PBRM1: variants seen among roughly 807,000 people sequenced by gnomAD.
The protein encoded by PBRM1 is protein polybromo-1.
A neutral mutation model predicts 194.5 loss-of-function variants in PBRM1; 27 were observed. The ratio of observed to expected loss-of-function variants is 0.14; its 90% CI spans 0.10 to 0.19. The LOEUF (loss-of-function observed/expected upper bound fraction) is 0.19. Ranked by LOEUF, PBRM1 falls within the 10% of genes least tolerant of loss-of-function variation. The pLI, the probability that PBRM1 is intolerant of heterozygous loss-of-function variation, is 1.00. For synonymous variants in PBRM1, 655 were observed against 693.2 expected, an observed-to-expected ratio of 0.94 and a Z score of 0.87; for missense variants, 1,466 against 2,077.2, an observed-to-expected ratio of 0.71 and a Z score of 5.72.
At chr3:52,632,523 C>T (rs1427620670) in intron 11 of PBRM1, among the ~76,000 whole-genome samples, 1 of 152,092 alleles carries the variant, frequency 6.6e-6, no homozygotes, top group Non-Finnish European at 1.5e-5. Flanking sequence ...TCGAGTTGAT[C>T]ATGCCAGCTT....
At chr3:52,665,496 C>T (rs1300980944) in intron 3 of PBRM1, among the ~76,000 whole-genome samples, 1 of 152,086 alleles carries the variant, frequency 6.6e-6, no homozygotes, top group Admixed American at 6.6e-5. Flanking sequence ...TCCCCAACCC[C>T]CAGCCCACGA....
chr3:52,567,565 C>CAA (rs10644120), intron 22 of PBRM1, among the ~76,000 whole-genome samples: 36,056 of 91,244 alleles, frequency 0.4, 5,525 homozygotes, highest in Admixed American at 0.48. Context: ...TAGGTAATCT[C>CAA]AAAAAAAAAA....
chr3:52,553,209 G>A (rs564244840), intron 27 of PBRM1, among the ~76,000 whole-genome samples: 11 of 152,278 alleles, frequency 7.2e-5, no homozygotes, highest in South Asian at 6.2e-4. Context: ...AATGCTTTCC[G>A]AGTCTTCCAA....
Position 52,642,049 on chromosome 3 carries a change from CAAAAA to C in PBRM1, c.996-9_996-5del. On this transcript the variant is annotated splice_polypyrimidine_tract_variant and splice_region_variant and intron_variant, in intron 9 of 29. Transcript: ENST00000296302. Reference sequence around the variant, plus strand: ...TCCTTGTACTGCTCTTTTATTACTACAAAAAAAAAAAAAGCAATTAGACAGGGAAG... The same window carrying C: ...TCCTTGTACTGCTCTTTTATTACTACAAAAAAAAGCAATTAGACAGGGAAG... 1 of 1,176,188 alleles carries C rather than the reference CAAAAA, an allele frequency of 8.5e-7. No individual in the cohort carries two copies. Among genetic ancestry groups the C allele is most frequent in the Non-Finnish European group, 1.2e-6 (1 of 824,376 alleles). 72.9% of individuals were successfully genotyped at this position (1,176,188 alleles called of 1,614,324 possible). A position where few individuals can be genotyped will look rare whatever the true frequency, so the allele number is the denominator to read the frequency against.
At chr3:52,675,613 T>C (rs1561090775) in intron 2 of PBRM1, among the ~76,000 whole-genome samples, 1 of 152,192 alleles carries the variant, frequency 6.6e-6, no homozygotes, top group Non-Finnish European at 1.5e-5. Context: ...TTTAAGTATT[T>C]TGCCACTGAA....
chr3:52,550,328 G>A (rs1343899372), intron 29 of PBRM1, 93 bp downstream of exon 31: 1 of 479,098 alleles, frequency 2.1e-6, no homozygotes, highest in African/African-American at 2.0e-5. Flanking sequence ...TAAGAAAAAG[G>A]GGTGTTTATT....
chr3:52,584,708 G>A (rs1234382994), intron 20 of PBRM1, among the ~76,000 whole-genome samples: 1 of 151,696 alleles, frequency 6.6e-6, no homozygotes, highest in Non-Finnish European at 1.5e-5. Context: ...CACCTGCCCT[G>A]GCCTCCCAAA....
At chr3:52,622,561 AC>A (rs1243630121) in intron 13 of PBRM1, among the ~76,000 whole-genome samples, 1 of 152,202 alleles carries the variant, frequency 6.6e-6, no homozygotes, top group East Asian at 1.9e-4. Context: ...AAGTTTATGC[AC>A]TAGCAGAGGC....
downstream of PBRM1, chr3:52,547,743 C>G (rs2079863865): frequency 4.0e-6 from 1 of 247,814 alleles, no homozygotes; most frequent in Admixed American, 5.6e-5. Context: ...AAGACAAAAA[C>G]CTCTAATGGT....
At chr3:52,601,828 A>G (rs1196426440) in intron 17 of PBRM1, among the ~76,000 whole-genome samples, 1 of 152,118 alleles carries the variant, frequency 6.6e-6, no homozygotes, top group Non-Finnish European at 1.5e-5. Flanking sequence ...GGCAAGGGTG[A>G]AAGCAGTAGC....
chr3:52,677,875 T>A (rs1360231220), intron 2 of PBRM1, among the ~76,000 whole-genome samples: 1 of 152,138 alleles, frequency 6.6e-6, no homozygotes, highest in Non-Finnish European at 1.5e-5. Flanking sequence ...TACTCTTTTT[T>A]AAATATTTAT....
rs34865590 is a variant in PBRM1 at position 52,674,479 on chromosome 3, C to CAAAAA, written c.236+4016_236+4020dup. On this transcript the variant is annotated intron_variant, in intron 2 of 29. Transcript: ENST00000296302. ...TCCAGCCTGGTGCGAAACTCCATCT[C>CAAAAA]AAAAAAAAAAAAAAAAAAGAGAGAG... is the stretch of plus-strand genomic sequence containing the variant. Among the ~76,000 whole-genome samples the CAAAAA allele has an allele frequency of 2.6e-3, 161 of 61,318 alleles. 2 individuals carry two copies. Among genetic ancestry groups the CAAAAA allele is most frequent in the South Asian group, 0.021 (44 of 2,134 alleles). 40.2% of individuals were successfully genotyped at this position (61,318 alleles called of 152,430 possible).
upstream of PBRM1, among the ~76,000 whole-genome samples, chr3:52,683,684 G>C (rs1224537149): frequency 1.3e-5 from 2 of 151,678 alleles, no homozygotes; most frequent in Non-Finnish European, 2.9e-5. Flanking sequence ...GCAAGGTGGT[G>C]GCATGCACCT....
At chr3:52,554,991 CATGAT>C (rs2081929272) in intron 26 of PBRM1, 112 bp from the exon 29 acceptor site, 1 of 730,574 alleles carries the variant, frequency 1.4e-6, no homozygotes, top group Admixed American at 3.4e-5. Context: ...CTTAGTACTG[CATGAT>C]ATAACAGCAA....
At position 52,676,114 on chromosome 3, in the gene PBRM1, C is replaced by CAA. The variant is rs1019237005; in HGVS notation, c.236+2384_236+2385dup. Among the ~76,000 whole-genome samples, 9 of 5,112 alleles carry CAA rather than the reference C, an allele frequency of 1.8e-3. 2 individuals carry two copies. Among genetic ancestry groups the CAA allele is most frequent in the African/African-American group, 4.6e-3 (2 of 432 alleles). The allele number at this position is 5,112 out of a possible 152,430, so 3.4% of individuals were successfully genotyped here. A position where few individuals can be genotyped will look rare whatever the true frequency, so the allele number is the denominator to read the frequency against. On this transcript the variant is annotated intron_variant, in intron 2 of 29. Coordinates refer to ENST00000296302, the Ensembl canonical transcript of PBRM1. ...TGGGCGACAGAGCGAGACTCCGTCT[C>CAA]AAAAAAAAAAAAAAAAAAAAAAAAA...
chr3:52,617,457 T>C (rs1385928149), exon 14 of PBRM1: 1 of 1,613,524 alleles, frequency 6.2e-7, no homozygotes, highest in Non-Finnish European at 8.5e-7. Context: ...GGTCACAAAG[T>C]CTTCTGCCTG....
intron 15 of PBRM1, among the ~76,000 whole-genome samples, chr3:52,612,258 C>CAAAA (rs566481465): frequency 0.025 from 590 of 23,988 alleles, 78 homozygotes; most frequent in African/African-American, 0.088. Context: ...GATTCCGTCT[C>CAAAA]AAAAAAAAAA....
chr3:52,637,964 A>G (rs2095891309), intron 10 of PBRM1, among the ~76,000 whole-genome samples: 1 of 151,830 alleles, frequency 6.6e-6, no homozygotes, highest in Non-Finnish European at 1.5e-5. Context: ...AAGAAAAAAG[A>G]AAAAAAGGAG....
chr3:52,617,237 C>T, intron 14 of PBRM1, 25 bp downstream of exon 16: 5 of 1,605,024 alleles, frequency 3.1e-6, no homozygotes, highest in Non-Finnish European at 4.3e-6. Context: ...AATGTGCCTA[C>T]TTCAGGACCG....
Sources: allele counts gnomAD v4.1 joint callset (sites outside exome capture counted in the v4.1 genomes callset), GRCh38; gene constraint gnomAD v4.1.1; transcripts MANE v1.5; gene names NCBI Gene and HGNC (gene_info 2026-07-23, HGNC 2026-07-21).